The following BANK1 variants were observed in gnomAD, a reference collection of about 807,000 sequenced individuals.
The protein encoded by BANK1 is B cell scaffold protein with ankyrin repeats 1, also known as B-cell scaffold protein with ankyrin repeats.
BANK1 carries 95 observed loss-of-function variants against 94.5 expected under a neutral mutation model. The ratio of observed to expected loss-of-function variants is 1.00; its 90% CI spans 0.85 to 1.19. BANK1 has a LOEUF of 1.19. BANK1 is among the 50% of genes most tolerant of loss of function. BANK1 has a pLI of 0.00. For missense variants in BANK1, 987 were observed against 932.2 expected, an observed-to-expected ratio of 1.06 and a Z score of -0.77; for synonymous variants, 334 against 308.4, an observed-to-expected ratio of 1.08 and a Z score of -0.87.
intron 1 of BANK1, among the ~76,000 whole-genome samples, chr4:101,792,104 T>A (rs1486009651): frequency 1.3e-5 from 2 of 152,196 alleles, no homozygotes; most frequent in African/African-American, 4.8e-5. Flanking sequence ...GTTTCAAACT[T>A]CTAGATTAAA....
At chr4:101,929,259 G>A (rs1358846688) in intron 7 of BANK1, among the ~76,000 whole-genome samples, 1 of 151,558 alleles carries the variant, frequency 6.6e-6, no homozygotes, top group African/African-American at 2.4e-5. Context: ...GGAGAAAGGA[G>A]GGAACCTTGT....
At chr4:101,891,871 G>A (rs1721887476) in intron 5 of BANK1, among the ~76,000 whole-genome samples, 1 of 151,834 alleles carries the variant, frequency 6.6e-6, no homozygotes, top group Non-Finnish European at 1.5e-5. Flanking sequence ...GAGAATTTCT[G>A]TTTTCCTGAT....
intron 7 of BANK1, among the ~76,000 whole-genome samples, chr4:101,939,118 TTTCCCAAATGGG>T (rs1723663413): frequency 1.3e-5 from 2 of 151,890 alleles, no homozygotes; most frequent in South Asian, 4.1e-4. Flanking sequence ...AATCCATTTC[TTTCCCAAATGGG>T]TTCTGCAGTC....
chr4:101,820,867 C>T (rs944966305), intron 1 of BANK1, among the ~76,000 whole-genome samples: 1 of 152,168 alleles, frequency 6.6e-6, no homozygotes, highest in African/African-American at 2.4e-5. Flanking sequence ...TTTATCCAAT[C>T]TGTCATTGAT....
chr4:101,837,953 C>T (rs1726893685), intron 2 of BANK1, among the ~76,000 whole-genome samples: 1 of 146,266 alleles, frequency 6.8e-6, no homozygotes, highest in African/African-American at 2.6e-5. Flanking sequence ...TCCCTCCCCT[C>T]TCTCTTCTCT....
chr4:102,027,573 G>T (rs2631268), intron 9 of BANK1, among the ~76,000 whole-genome samples: 45,185 of 150,640 alleles, frequency 0.3, 6,924 homozygotes, highest in Admixed American at 0.39. Flanking sequence ...TCACTTATTT[G>T]TTTGCCAGAG....
intron 13 of BANK1, among the ~76,000 whole-genome samples, chr4:102,070,686 C>A (rs1304862599): frequency 6.6e-6 from 1 of 152,180 alleles, no homozygotes; most frequent in Non-Finnish European, 1.5e-5. Context: ...GGTCGCCTGA[C>A]ATTCCTGGTG....
chr4:101,895,306 AT>A lies in BANK1; in HGVS notation c.906del (p.Asn302LysfsTer54), dbSNP rs749480053. 6.4e-7 allele frequency: 1 copy of A among 1,551,496 alleles called. No homozygotes were observed. The highest frequency in any genetic ancestry group is 8.7e-7 in the Non-Finnish European group (1 of 1,144,542). ...MADSGESLCQNSIEELDGVLT... is the reference protein window; with the variant it reads ...MADSGESLCQXSIEELDGVLT... ...ATTTTCTTTTTCACTTGAAAACAGA[AT>A]AGCATTGAAGAACTTGATGGTGTCC... On this transcript the variant is annotated frameshift_variant and splice_region_variant, in exon 6 of 17. Transcript: ENST00000322953. LOFTEE classifies it high-confidence loss of function.
intron 7 of BANK1, among the ~76,000 whole-genome samples, chr4:101,990,703 G>GT (rs1725670141): frequency 6.6e-6 from 1 of 152,146 alleles, no homozygotes; most frequent in Non-Finnish European, 1.5e-5. Flanking sequence ...ACAAACTGCT[G>GT]TTATACCTCT....
At chr4:101,888,561 T>C (rs995664064) in intron 5 of BANK1, among the ~76,000 whole-genome samples, 1 of 152,222 alleles carries the variant, frequency 6.6e-6, no homozygotes, top group South Asian at 2.1e-4. Flanking sequence ...TAGGATTAAA[T>C]TTACTGTGTT....
At position 102,007,112 on chromosome 4, in the gene BANK1, A is replaced by AATATATATATAATAT. The variant is rs1273362593; in HGVS notation, c.1207-14394_1207-14393insATAATATATATATAT. ...TATATAATATATTTATATATATATA[A>AATATATATATAATAT]ATATATATTTTATATATATATAAAA... On this transcript the variant is annotated intron_variant, in intron 7 of 16. Transcript: ENST00000322953. Among the ~76,000 whole-genome samples, 31 of 50,696 alleles carry AATATATATATAATAT rather than the reference A, an allele frequency of 6.1e-4. 1 individual carries two copies. The highest frequency in any genetic ancestry group is 2.0e-3 in the African/African-American group (30 of 14,802). 33.3% of individuals were successfully genotyped at this position (50,696 alleles called of 152,430 possible). A position where few individuals can be genotyped will look rare whatever the true frequency, so the allele number is the denominator to read the frequency against.
chr4:101,804,399 C>T (rs1440478122), intron 1 of BANK1, among the ~76,000 whole-genome samples: 3 of 152,134 alleles, frequency 2.0e-5, no homozygotes, highest in African/African-American at 7.2e-5. Flanking sequence ...TAGGAAATTA[C>T]ATATTACAGT....
chr4:101,953,960 A>G (rs145238478), intron 7 of BANK1, among the ~76,000 whole-genome samples: 2 of 152,238 alleles, frequency 1.3e-5, no homozygotes, highest in East Asian at 1.9e-4. Context: ...GTTTTTTCAT[A>G]GTACTGCAGG....
intron 4 of BANK1, among the ~76,000 whole-genome samples, chr4:101,866,174 A>C (rs1416994681): frequency 6.6e-6 from 1 of 152,174 alleles, no homozygotes; most frequent in Non-Finnish European, 1.5e-5. Flanking sequence ...ATCAACAGGA[A>C]ATTCTAGAAA....
chr4:101,973,722 G>A (rs1263264943), intron 7 of BANK1, among the ~76,000 whole-genome samples: 2 of 151,878 alleles, frequency 1.3e-5, no homozygotes, highest in African/African-American at 4.8e-5. Flanking sequence ...ACTCATTTCG[G>A]GGTTGTTAAT....
intron 11 of BANK1, among the ~76,000 whole-genome samples, chr4:102,051,611 TCTATGAAACAA>T (rs1728048835): frequency 6.6e-6 from 1 of 152,126 alleles, no homozygotes; most frequent in Non-Finnish European, 1.5e-5. Flanking sequence ...ACCCCTACTG[TCTATGAAACAA>T]ATCAGTCCTT....
intron 11 of BANK1, among the ~76,000 whole-genome samples, chr4:102,054,867 G>A (rs1167009457): frequency 6.6e-6 from 1 of 151,988 alleles, no homozygotes. Context: ...CTTGTATAGA[G>A]TGAGTGTCTT....
chr4:101,894,809 A>G (rs1486509267), intron 5 of BANK1, among the ~76,000 whole-genome samples: 1 of 152,006 alleles, frequency 6.6e-6, no homozygotes, highest in Non-Finnish European at 1.5e-5. Context: ...CTGCAGGGGT[A>G]AAGAAAGGCC....
chr4:101,989,880 T>C (rs902978763), intron 7 of BANK1, among the ~76,000 whole-genome samples: 1 of 152,220 alleles, frequency 6.6e-6, no homozygotes, highest in African/African-American at 2.4e-5. Context: ...AACAACACAC[T>C]GTCTTCTAGA....
Sources: gnomAD v4.1 joint callset for allele counts (sites outside exome capture counted in the v4.1 genomes callset) on GRCh38, gnomAD v4.1.1 for gene constraint, MANE v1.5 for transcripts, NCBI Gene and HGNC (gene_info 2026-07-23, HGNC 2026-07-21) for gene names.